The following ATG14 variants were observed in gnomAD, a reference collection of about 807,000 sequenced individuals.
ATG14 encodes autophagy related 14, also known as beclin 1-associated autophagy-related key regulator.
ATG14 carries 35 observed loss-of-function variants against 60.4 expected under a neutral mutation model. The ratio of observed to expected loss-of-function variants is 0.58; its 90% CI spans 0.44 to 0.77. The LOEUF is 0.77. Among genes scored for constraint, ATG14 ranks in the 30% least tolerant of loss-of-function variants. The probability of loss-of-function intolerance (pLI) is 0.00; values close to 1 mark genes in which losing one functional copy is unlikely to be tolerated. For synonymous variants in ATG14, 234 were observed against 228.8 expected, an observed-to-expected ratio of 1.02 and a Z score of -0.21; for missense variants, 647 against 626.3, an observed-to-expected ratio of 1.03 and a Z score of -0.35.
chr14:55,380,875 A>ATATATTTTT (rs377330757), intron 6 of ATG14, among the ~76,000 whole-genome samples, 185 bp from the exon 7 acceptor site: 2 of 112,702 alleles, frequency 1.8e-5, no homozygotes, highest in African/African-American at 7.6e-5. Flanking sequence ...ATATATATAT[A>ATATATTTTT]TTTTTTTTTT....
At chr14:55,393,307 C>T (rs1036730311) in intron 3 of ATG14, among the ~76,000 whole-genome samples, 2 of 151,884 alleles carry the variant, frequency 1.3e-5, no homozygotes, top group Admixed American at 6.6e-5. Context: ...ATGGTGTGAA[C>T]CCAGGAGGTG....
chr14:55,370,995 GGGCAGCCAGGCTGCATGTCCTCCCTGTA>G (rs1291942295), intron 9 of ATG14, among the ~76,000 whole-genome samples: 1 of 152,006 alleles, frequency 6.6e-6, no homozygotes, highest in Non-Finnish European at 1.5e-5. Flanking sequence ...TCCTGCTCCA[GGGCAGCCAGGCTGCATGTCCTCCCTGTA>G]GGCAGCCACC....
chr14:55,397,026 A>G (rs1885324667), intron 2 of ATG14, among the ~76,000 whole-genome samples: 1 of 152,242 alleles, frequency 6.6e-6, no homozygotes, highest in Non-Finnish European at 1.5e-5. Flanking sequence ...CAAAAGAAGA[A>G]TGGTAAATGG....
rs772149119 is a variant in ATG14 at position 55,367,688 on chromosome 14, G to C, written c.*1931C>G. ...GAACCCAGGAGATGGTGGTTGCAGT[G>C]AGCGGAGATGGTGCCACTACACTCC... On this transcript the variant is annotated 3_prime_UTR_variant, in exon 10 of 10. Transcript: ENST00000247178. The C allele has an allele frequency of 2.0e-5, 3 of 151,884 alleles. No individual in the cohort carries two copies. Among genetic ancestry groups the C allele is most frequent in the Non-Finnish European group, 4.4e-5 (3 of 67,998 alleles). The allele number at this position is 151,884 out of a possible 1,614,324, so 9.4% of individuals were successfully genotyped here.
chr14:55,373,701 C>T (rs529886498), intron 9 of ATG14, among the ~76,000 whole-genome samples: 36 of 152,102 alleles, frequency 2.4e-4, no homozygotes, highest in Non-Finnish European at 4.3e-4. Context: ...TCAAGTGATC[C>T]GCCCACCTCA....
intron 9 of ATG14, among the ~76,000 whole-genome samples, chr14:55,374,357 G>A (rs530103261): frequency 2.0e-5 from 3 of 152,234 alleles, no homozygotes; most frequent in South Asian, 2.1e-4. Context: ...TGTGTGAGCC[G>A]CATGTTTTAA....
intron 1 of ATG14, among the ~76,000 whole-genome samples, chr14:55,402,929 ATATATATATATATATATATAT>A (rs1885428858): frequency 6.1e-5 from 1 of 16,376 alleles, no homozygotes; most frequent in African/African-American, 3.4e-4. Flanking sequence ...AAAAAAAAAT[ATATATATATATATATATATAT>A]ATATATATAT....
At chr14:55,407,200 C>A (rs1262895882) in intron 1 of ATG14, among the ~76,000 whole-genome samples, 1 of 152,192 alleles carries the variant, frequency 6.6e-6, no homozygotes, top group Non-Finnish European at 1.5e-5. Flanking sequence ...GTGATCTTGG[C>A]TCACTGCAAC....
chr14:55,387,041 C>A (rs1885136964), intron 4 of ATG14, among the ~76,000 whole-genome samples: 1 of 152,068 alleles, frequency 6.6e-6, no homozygotes, highest in Admixed American at 6.5e-5. Context: ...CCTTTCTTTT[C>A]ATTCCTACTA....
At chr14:55,380,871 ATATATTT>A (rs1885019703) in intron 6 of ATG14, among the ~76,000 whole-genome samples, 181 bp from the exon 7 acceptor site, 4 of 90,032 alleles carry the variant, frequency 4.4e-5, no homozygotes, top group Admixed American at 2.8e-4. Context: ...ATATATATAT[ATATATTT>A]TTTTTTTTTT....
rs1283227298 is a variant in ATG14 at position 55,382,077 on chromosome 14, A to T, written c.762T>A (p.Asp254Glu). Residue 254 changes from aspartate to glutamate, a missense_variant, in exon 6 of 10, where the codon GAT becomes GAA. Coordinates refer to ENST00000247178, the MANE Select transcript of ATG14 (RefSeq NM_014924.5). ...TGCTAATGCTGGTGTCTCCGTTGTG[A>T]TCGTCACAGACCCATCGTCCTGAGA... ...TYLSGRWVCD[D>E]HNGDTSISIT... The T allele has an allele frequency of 6.2e-7, 1 of 1,613,974 alleles. No homozygotes were observed. Among genetic ancestry groups the T allele is most frequent in the Non-Finnish European group, 8.5e-7 (1 of 1,180,018 alleles).
At chr14:55,386,280 C>A (rs1885125065) in intron 4 of ATG14, among the ~76,000 whole-genome samples, 184 bp from the exon 5 acceptor site, 1 of 152,078 alleles carries the variant, frequency 6.6e-6, no homozygotes, top group Non-Finnish European at 1.5e-5. Context: ...ACACATAAAG[C>A]AAAGAGAACC....
At chr14:55,388,465 C>G (rs1410573499) in intron 4 of ATG14, among the ~76,000 whole-genome samples, 1 of 152,248 alleles carries the variant, frequency 6.6e-6, no homozygotes, top group Non-Finnish European at 1.5e-5. Context: ...GGTGCTGTAT[C>G]TGTAATCTAC....
intron 1 of ATG14, among the ~76,000 whole-genome samples, chr14:55,407,591 T>G (rs1006866953): frequency 6.6e-6 from 1 of 152,238 alleles, no homozygotes; most frequent in Admixed American, 6.5e-5. Context: ...AAAGTTGTAT[T>G]GCTTTTGACA....
At chr14:55,395,753 A>G (rs1232916967) in intron 3 of ATG14, among the ~76,000 whole-genome samples, 187 bp downstream of exon 3, 3 of 152,234 alleles carry the variant, frequency 2.0e-5, no homozygotes, top group Non-Finnish European at 4.4e-5. Flanking sequence ...CAATGGCTCC[A>G]TAATTAATTG....
At chr14:55,387,565 G>A (rs1279017408) in intron 4 of ATG14, among the ~76,000 whole-genome samples, 1 of 152,130 alleles carries the variant, frequency 6.6e-6, no homozygotes, top group East Asian at 1.9e-4. Context: ...CCTAACTAGG[G>A]TATAAAACGT....
At chr14:55,404,815 T>C (rs1566586232) in intron 1 of ATG14, among the ~76,000 whole-genome samples, 1 of 152,164 alleles carries the variant, frequency 6.6e-6, no homozygotes, top group Admixed American at 6.5e-5. Flanking sequence ...AAAAATATAG[T>C]TCAGATCTAA....
chr14:55,389,305 G>A (rs1321380421), intron 4 of ATG14, among the ~76,000 whole-genome samples: 2 of 151,902 alleles, frequency 1.3e-5, no homozygotes, highest in African/African-American at 4.8e-5. Context: ...GACGGGGAGA[G>A]CATGAACTAA....
chr14:55,388,826 AG>A (rs1284988673), intron 4 of ATG14, among the ~76,000 whole-genome samples: 27 of 152,352 alleles, frequency 1.8e-4, no homozygotes, highest in African/African-American at 6.5e-4. Flanking sequence ...AACCCTGGCA[AG>A]TCATCAGAAC....
Sources: gnomAD v4.1 joint callset for allele counts (sites outside exome capture counted in the v4.1 genomes callset) on GRCh38, gnomAD v4.1.1 for gene constraint, MANE v1.5 for transcripts, NCBI Gene and HGNC (gene_info 2026-07-23, HGNC 2026-07-21) for gene names.